Variants in SPAG16 observed in about 807,000 individuals in gnomAD.
SPAG16 encodes the protein sperm associated antigen 16.
A neutral mutation model predicts 80.4 loss-of-function variants in SPAG16; 86 were observed. The ratio of observed to expected loss-of-function variants is 1.07; its 90% CI spans 0.90 to 1.28. The LOEUF is 1.28. SPAG16 is among the 50% of genes most tolerant of loss of function. The pLI is 0.00. For synonymous variants in SPAG16, 294 were observed against 265.9 expected (o/e 1.11, Z -1.03); for missense variants, 870 against 765.3 (o/e 1.14, Z -1.61).
intron 15 of SPAG16, among the ~76,000 whole-genome samples, chr2:214,375,034 A>G (rs570677041): frequency 1.3e-5 from 2 of 152,290 alleles, no homozygotes; most frequent in East Asian, 3.9e-4. Flanking sequence ...GTTTGTCAGT[A>G]AAAGTTTGAA....
chr2:213,613,793 G>A (rs949584775), intron 10 of SPAG16, among the ~76,000 whole-genome samples: 8 of 152,124 alleles, frequency 5.3e-5, no homozygotes, highest in African/African-American at 1.9e-4. Context: ...ATGCTAAGCA[G>A]TATCTTGTGA....
At chr2:213,728,661 A>G (rs1048060639) in intron 10 of SPAG16, among the ~76,000 whole-genome samples, 1 of 152,016 alleles carries the variant, frequency 6.6e-6, no homozygotes, top group African/African-American at 2.4e-5. Flanking sequence ...GGATCACCTG[A>G]GGTCAGGAGA....
At chr2:213,896,868 T>A (rs2077014495) in intron 11 of SPAG16, among the ~76,000 whole-genome samples, 1 of 151,772 alleles carries the variant, frequency 6.6e-6, no homozygotes, top group African/African-American at 2.4e-5. Flanking sequence ...AAAAAGTGAA[T>A]CTCATAATTA....
rs370351121 is a variant in SPAG16, at chr2:213,753,289, C to A, written c.1071-109196C>A. On this transcript the variant is annotated intron_variant, in intron 10 of 15. Transcript: ENST00000331683. The stretch of plus-strand genomic sequence containing the variant: ...GGCCTCCCAAAGTGCTGGGATTACA[C>A]GTGTGAGCTGCTGCGCCCAGCCTAT... 1.6e-4 allele frequency among the ~76,000 whole-genome samples: 25 copies of A among 152,146 alleles called. No homozygotes were observed. The East Asian group carries it at 4.5e-3, about 27-fold the overall frequency.
intron 13 of SPAG16, among the ~76,000 whole-genome samples, chr2:214,055,145 C>G (rs2049872123): frequency 3.3e-5 from 5 of 152,070 alleles, no homozygotes. Flanking sequence ...TATTTTTTAA[C>G]TAGGATTTGT....
chr2:213,814,061 G>C (rs2072359493), intron 10 of SPAG16, among the ~76,000 whole-genome samples: 1 of 152,136 alleles, frequency 6.6e-6, no homozygotes, highest in South Asian at 2.1e-4. Context: ...GACTGAAAGA[G>C]AGATGAATTG....
At chr2:214,221,607 T>G (rs1324191452) in intron 15 of SPAG16, among the ~76,000 whole-genome samples, 2 of 152,180 alleles carry the variant, frequency 1.3e-5, no homozygotes, top group African/African-American at 4.8e-5. Context: ...AGTAAATATT[T>G]GTTTTTTTGA....
At chr2:213,807,567 C>A (rs11893486) in intron 10 of SPAG16, among the ~76,000 whole-genome samples, 52,843 of 151,974 alleles carry the variant, frequency 0.35, 9,769 homozygotes, top group East Asian at 0.5. Context: ...TTTTACCTTC[C>A]AGCAAAAGTG....
chr2:213,693,302 CAG>C (rs1469409760), intron 10 of SPAG16, among the ~76,000 whole-genome samples: 1 of 152,184 alleles, frequency 6.6e-6, no homozygotes, highest in Non-Finnish European at 1.5e-5. Context: ...ATGAATAGCA[CAG>C]AGTCAGCATA....
chr2:213,854,169 A>G (rs2075044446), intron 10 of SPAG16, among the ~76,000 whole-genome samples: 1 of 152,200 alleles, frequency 6.6e-6, no homozygotes, highest in Non-Finnish European at 1.5e-5. Context: ...ACAGTAATGT[A>G]CGATGTTTAT....
chr2:213,651,939 T>G (rs535137698), intron 10 of SPAG16, among the ~76,000 whole-genome samples: 1 of 152,328 alleles, frequency 6.6e-6, no homozygotes, highest in African/African-American at 2.4e-5. Flanking sequence ...GCATTTCTAT[T>G]GGCAGTAATA....
intron 11 of SPAG16, among the ~76,000 whole-genome samples, chr2:213,899,946 GATGCAGCTTTGT>G (rs1161316538): frequency 6.6e-6 from 1 of 152,072 alleles, no homozygotes; most frequent in Non-Finnish European, 1.5e-5. Context: ...TCCTTGTCTT[GATGCAGCTTTGT>G]ACAACTCTTA....
At chr2:213,404,758 T>C (rs1344678554) in intron 9 of SPAG16, among the ~76,000 whole-genome samples, 7 of 152,238 alleles carry the variant, frequency 4.6e-5, no homozygotes, top group African/African-American at 1.7e-4. Context: ...TCTTTCTATA[T>C]GTTAAATCTT....
intron 12 of SPAG16, among the ~76,000 whole-genome samples, chr2:214,001,242 C>T (rs2046774554): frequency 6.6e-6 from 1 of 152,114 alleles, no homozygotes; most frequent in Non-Finnish European, 1.5e-5. Flanking sequence ...TAATTTATTT[C>T]CTTTTGTGTT....
intron 12 of SPAG16, among the ~76,000 whole-genome samples, chr2:213,947,962 C>G (rs569200290): frequency 1.3e-5 from 2 of 152,150 alleles, no homozygotes; most frequent in East Asian, 3.9e-4. Flanking sequence ...TTCCTCTTAT[C>G]TAAAAATTAC....
chr2:214,030,384 A>G (rs749292693), intron 13 of SPAG16, among the ~76,000 whole-genome samples: 14 of 152,180 alleles, frequency 9.2e-5, no homozygotes, highest in Admixed American at 2.6e-4. Flanking sequence ...TTACAGCATT[A>G]TTCATAACAG....
At chr2:213,345,562 G>A (rs2064932530) in intron 6 of SPAG16, among the ~76,000 whole-genome samples, 1 of 126,318 alleles carries the variant, frequency 7.9e-6, no homozygotes, top group Non-Finnish European at 1.6e-5. Context: ...TTTGTATAAG[G>A]TGTGAGGAAG....
In SPAG16 at chr2:213,548,575, C is replaced by A. The variant is rs112793490; in HGVS notation, c.1070+58485C>A. 7.8e-4 allele frequency among the ~76,000 whole-genome samples: 119 copies of A among 152,212 alleles called. 2 individuals are homozygous for A. Among genetic ancestry groups the A allele is most frequent in the Middle Eastern group, 3.4e-3 (1 of 294 alleles). ...TGATAGGTGCGTAATCAAATACTCACGACAGTTTTTAGTTTCAGTTATCTT... is the reference window on the plus strand; with the variant it reads ...TGATAGGTGCGTAATCAAATACTCAAGACAGTTTTTAGTTTCAGTTATCTT... On this transcript the variant is annotated intron_variant, in intron 10 of 15. Coordinates refer to ENST00000331683, the MANE Select transcript of SPAG16 (RefSeq NM_024532.5).
At chr2:213,835,815 C>T (rs1231952459) in intron 10 of SPAG16, among the ~76,000 whole-genome samples, 2 of 152,010 alleles carry the variant, frequency 1.3e-5, no homozygotes, top group Non-Finnish European at 2.9e-5. Context: ...TCATATTTTC[C>T]AATTTGTACT....
Sources: gnomAD v4.1 joint callset for allele counts (sites outside exome capture counted in the v4.1 genomes callset) on GRCh38, gnomAD v4.1.1 for gene constraint, MANE v1.5 for transcripts, NCBI Gene and HGNC (gene_info 2026-07-23, HGNC 2026-07-21) for gene names.